TFPI2: variants seen among roughly 807,000 people sequenced by gnomAD.
The protein encoded by TFPI2 is placental protein 5.
A neutral mutation model predicts 23.1 loss-of-function variants in TFPI2; 23 were observed. The ratio of observed to expected loss-of-function variants is 1.00; its 90% CI spans 0.72 to 1.41. TFPI2 has a LOEUF of 1.41. TFPI2 is among the 40% of genes most tolerant of loss of function. The pLI, the probability that TFPI2 is intolerant of heterozygous loss-of-function variation, is 0.00. For synonymous variants in TFPI2, 119 were observed against 111.7 expected, an observed-to-expected ratio of 1.07 and a Z score of -0.41; for missense variants, 291 against 299.6, an observed-to-expected ratio of 0.97 and a Z score of 0.21.
chr7:93,890,081 C>T, intron 2 of TFPI2, 56 bp downstream of exon 2: 1 of 1,499,322 alleles, frequency 6.7e-7, no homozygotes, highest in Non-Finnish European at 9.0e-7. Flanking sequence ...GGCGAAGCTG[C>T]TACCAGCCGC....
At chr7:93,887,958 T>C (rs1205087932) in intron 3 of TFPI2, among the ~76,000 whole-genome samples, 1 of 152,254 alleles carries the variant, frequency 6.6e-6, no homozygotes, top group Non-Finnish European at 1.5e-5. Flanking sequence ...AGTACAGCTA[T>C]AAAGCTTTAT....
Position 93,890,674 on chromosome 7 carries a change from T to C in TFPI2, c.5A>G (p.Asp2Gly). 2.5e-6 allele frequency: 4 copies of C among 1,612,026 alleles called. No homozygotes were observed. The highest frequency in any genetic ancestry group is 3.4e-6 in the Non-Finnish European group (4 of 1,179,394). The part of the protein sequence containing the change: M[D>G]PARPLGLSIL... ...CGACAGCCCCAGGGGGCGAGCGGGG[T>C]CCATGGTGCAGGGGGTCGGGCGGCC... Residue 2 changes from aspartate to glycine, a missense_variant, in exon 1 of 5, where the codon GAC becomes GGC. Coordinates refer to ENST00000222543, the MANE Select transcript of TFPI2 (RefSeq NM_006528.4).
intron 1 of TFPI2, 103 bp downstream of exon 1, chr7:93,890,488 G>A: frequency 2.7e-6 from 4 of 1,457,254 alleles, no homozygotes; most frequent in Non-Finnish European, 3.7e-6. Flanking sequence ...GCGCGGCAGG[G>A]ACCTGGAGAA....
chr7:93,889,020 A>G lies in TFPI2; in HGVS notation c.460+15T>C. 1.3e-6 allele frequency: 2 copies of G among 1,575,074 alleles called. No individual in the cohort carries two copies. Among genetic ancestry groups the G allele is most frequent in the South Asian group, 2.4e-5 (2 of 82,590 alleles). ...CAAAAAAGTGAAATAGAAATACCAT[A>G]AAAATCGTATTTACTTTTCTTTGGT... On this transcript the variant is annotated intron_variant, in intron 3 of 4. Coordinates refer to ENST00000222543, the MANE Select transcript of TFPI2 (RefSeq NM_006528.4).
At chr7:93,886,942 T>C (rs1013202605) in intron 4 of TFPI2, 46 bp from the exon 5 acceptor site, 1 of 1,335,784 alleles carries the variant, frequency 7.5e-7, no homozygotes, top group South Asian at 1.4e-5. Context: ...CTCCAGTCTG[T>C]AGGCTCACTA....
chr7:93,887,190 TA>T, intron 4 of TFPI2, 70 bp downstream of exon 4: 1 of 1,437,146 alleles, frequency 7.0e-7, no homozygotes, highest in Non-Finnish European at 9.4e-7. Flanking sequence ...AATGGATAAA[TA>T]AAAATATAAT....
Position 93,886,858 on chromosome 7 carries a change from C to A in TFPI2, c.670G>T (p.Ala224Ser). 1.9e-6 allele frequency: 3 copies of A among 1,548,300 alleles called. No individual in the cohort carries two copies. Among genetic ancestry groups the A allele is most frequent in the East Asian group, 4.8e-5 (2 of 41,650 alleles). Residue 224 changes from alanine (A) to serine (S), a missense_variant, in exon 5 of 5, where the codon GCC (alanine) becomes TCC (serine). Ala to Ser is a moderately conservative substitution (Grantham distance 99). Coordinates refer to ENST00000222543, the MANE Select transcript of TFPI2 (RefSeq NM_006528.4). ...KKKKMPKLRF[A>S]SRIRKIRKKQ... ...TTCCGAATTTTCCGGATTCTACTGG[C>A]AAAGCGAAGCTTTGGCATCTTCTTT...
Position 93,889,205 on chromosome 7 carries a change from C to T in TFPI2, c.290G>A (p.Arg97Gln), listed in dbSNP as rs753546409. 1.3e-6 allele frequency: 2 copies of T among 1,579,724 alleles called. No homozygotes were observed. Among genetic ancestry groups the T allele is most frequent in the South Asian group, 1.2e-5 (1 of 85,016 alleles). ...CTGGTCGTCCACACTCACTTGCAGC[C>T]GGCAAACTTTGGGAACTTCTAGGAA... Reference protein sequence around the residue: ...WRIEKVPKVCRLQVSVDDQCE... With the variant: ...WRIEKVPKVCQLQVSVDDQCE... Residue 97 changes from arginine to glutamine, a missense_variant, in exon 3 of 5, where the codon CGG becomes CAG. Coordinates refer to ENST00000222543, the MANE Select transcript of TFPI2 (RefSeq NM_006528.4).
intron 3 of TFPI2, 68 bp from the exon 4 acceptor site, chr7:93,887,499 G>T (rs752832220): frequency 1.2e-5 from 15 of 1,230,910 alleles, no homozygotes; most frequent in Admixed American, 6.8e-5. Context: ...GGTGATTACT[G>T]AAGTAACTGA....
intron 3 of TFPI2, 133 bp downstream of exon 3, chr7:93,888,902 G>A: frequency 1.2e-6 from 1 of 845,050 alleles, no homozygotes; most frequent in Non-Finnish European, 1.8e-6. Flanking sequence ...CTAAGAACTT[G>A]ACAAGTCACT....
rs1793991431 is a variant in TFPI2 at position 93,886,349 on chromosome 7, G to C, written c.*471C>G. 1 of 152,244 alleles carries C rather than the reference G, an allele frequency of 6.6e-6. No individual in the cohort carries two copies. Among genetic ancestry groups the C allele is most frequent in the African/African-American group, 2.4e-5 (1 of 41,410 alleles). The allele number at this position is 152,244 out of a possible 1,614,324, so 9.4% of individuals were successfully genotyped here. On this transcript the variant is annotated 3_prime_UTR_variant, in exon 5 of 5. Coordinates refer to ENST00000222543, the MANE Select transcript of TFPI2 (RefSeq NM_006528.4). ...TACTGCAATCTAACACAATAAAATGGGAGTAATATTTTTAAAGTGTTGTTA... is the reference window on the plus strand; with the variant it reads ...TACTGCAATCTAACACAATAAAATGCGAGTAATATTTTTAAAGTGTTGTTA...
In TFPI2 at chr7:93,887,243, T is replaced by C. The variant is rs376468702; in HGVS notation, c.631+18A>G. 6.3e-7 allele frequency: 1 copy of C among 1,581,178 alleles called. No homozygotes were observed. The highest frequency in any genetic ancestry group is 1.2e-5 in the South Asian group (1 of 83,748). Reference sequence around the variant, plus strand: ...TTATAAAGTTTATCTAAAGGTGGAATAAGAAAACATTCACTACCTTTTGCA... The same window carrying C: ...TTATAAAGTTTATCTAAAGGTGGAACAAGAAAACATTCACTACCTTTTGCA... On this transcript the variant is annotated intron_variant, in intron 4 of 4. Coordinates refer to ENST00000222543, the MANE Select transcript of TFPI2 (RefSeq NM_006528.4).
At chr7:93,887,141 T>A in intron 4 of TFPI2, 120 bp downstream of exon 4, 1 of 1,012,416 alleles carries the variant, frequency 9.9e-7, no homozygotes, top group South Asian at 1.8e-5. Flanking sequence ...GAGATACTTA[T>A]GTAGAAGTAG....
Position 93,887,402 on chromosome 7 carries a change from CATCTTTT to C in TFPI2, c.483_489del (p.Lys162ArgfsTer8). The C allele has an allele frequency of 6.2e-7, 1 of 1,612,954 alleles. No individual in the cohort carries two copies. Among genetic ancestry groups the C allele is most frequent in the Non-Finnish European group, 8.5e-7 (1 of 1,179,566 alleles). On this transcript the variant is annotated frameshift_variant, in exon 4 of 5. Coordinates refer to ENST00000222543, the MANE Select transcript of TFPI2 (RefSeq NM_006528.4). LOFTEE classifies it high-confidence loss of function. Reference sequence around the variant, plus strand: ...GTCACATTGGCAGAGCACAGTCCCTCATCTTTTGGACTGTAGCAAAATGATGGAACTT... The same window carrying C: ...GTCACATTGGCAGAGCACAGTCCCTCGGACTGTAGCAAAATGATGGAACTT...
intron 1 of TFPI2, 61 bp downstream of exon 1, chr7:93,890,530 C>T: frequency 6.4e-7 from 1 of 1,563,164 alleles, no homozygotes; most frequent in South Asian, 1.2e-5. Flanking sequence ...ACACGGGGCC[C>T]CATGGCCCGC....
chr7:93,887,488 T>C (rs1794018513), intron 3 of TFPI2, 57 bp from the exon 4 acceptor site: 4 of 1,389,466 alleles, frequency 2.9e-6, no homozygotes, highest in Non-Finnish European at 4.0e-6. Context: ...TTTTAAATTA[T>C]GGTGATTACT....
At chr7:93,888,575 AGGAAGGAAGGAAAG>A (rs1329569603) in intron 3 of TFPI2, among the ~76,000 whole-genome samples, 1 of 110,784 alleles carries the variant, frequency 9.0e-6, no homozygotes, top group Non-Finnish European at 1.7e-5. Flanking sequence ...GAAGGAAGGA[AGGAAGGAAGGAAAG>A]AGAAAGAAAG....
At position 93,890,305 on chromosome 7, in the gene TFPI2, TCTC is replaced by T. The variant is rs1440636905; in HGVS notation, c.100_102del (p.Glu34del). ...CCGTAGTCTAGGGGCAGGAGACAGA[TCTC>T]CGCGTTATTTCCTGAAGAAGGGGCA... On this transcript the variant is annotated inframe_deletion, in exon 2 of 5. Transcript: ENST00000222543. 6.2e-7 allele frequency: 1 copy of T among 1,606,158 alleles called. No homozygotes were observed. Among genetic ancestry groups the T allele is most frequent in the Non-Finnish European group, 8.5e-7 (1 of 1,174,250 alleles).
In TFPI2 at chr7:93,889,084, G is replaced by A. The variant is rs1441451691; in HGVS notation, c.411C>T (p.Asn137=). 5.6e-6 allele frequency: 9 copies of A among 1,611,584 alleles called. No homozygotes were observed. Among genetic ancestry groups the A allele is most frequent in the South Asian group, 1.1e-5 (1 of 90,440 alleles). The change falls in exon 3 of 5, where the codon AAC becomes AAT. Residue 137 remains asparagine, a synonymous_variant. Coordinates refer to ENST00000222543, the MANE Select transcript of TFPI2 (RefSeq NM_006528.4). ...SGGCHRNRIE[N]RFPDEATCMG... is the part of the protein sequence containing the mutation. The stretch of plus-strand genomic sequence containing the variant: ...TACAAGTAGCTTCATCTGGAAACCT[G>A]TTCTCAATCCGGTTCCGGTGACACC...
Sources: gnomAD v4.1 joint callset for allele counts (sites outside exome capture counted in the v4.1 genomes callset) on GRCh38, gnomAD v4.1.1 for gene constraint, MANE v1.5 for transcripts, NCBI Gene and HGNC (gene_info 2026-07-23, HGNC 2026-07-21) for gene names.